Variants in TNKS observed in about 807,000 individuals in gnomAD.
The protein encoded by TNKS is poly [ADP-ribose] polymerase tankyrase-1.
A neutral mutation model predicts 135.8 loss-of-function variants in TNKS; 72 were observed. That is an observed-to-expected ratio of 0.53 (90% CI 0.44 to 0.64). The LOEUF (loss-of-function observed/expected upper bound fraction) is 0.64, where lower values mean the gene tolerates loss of function less well. Ranked by LOEUF, TNKS falls within the 30% of genes least tolerant of loss-of-function variation. The pLI is 0.00. For synonymous variants in TNKS, 849 were observed against 649.3 expected (o/e 1.31, Z -4.68); for missense variants, 1,769 against 1,674.0 (o/e 1.06, Z -0.99).
At chr8:9,635,225 TGAAAA>T (rs1800465868) in intron 3 of TNKS, among the ~76,000 whole-genome samples, 2 of 150,192 alleles carry the variant, frequency 1.3e-5, no homozygotes, top group Admixed American at 6.6e-5. Flanking sequence ...TGGAGACACA[TGAAAA>T]GAACATAGGA....
intron 5 of TNKS, among the ~76,000 whole-genome samples, chr8:9,686,540 A>G (rs1803009079): frequency 6.6e-6 from 1 of 152,230 alleles, no homozygotes; most frequent in Non-Finnish European, 1.5e-5. Context: ...CTATTGGGCA[A>G]GAAAGATTCC....
At chr8:9,746,677 C>T (rs1018616718) in intron 17 of TNKS, among the ~76,000 whole-genome samples, 1 of 152,124 alleles carries the variant, frequency 6.6e-6, no homozygotes, top group Non-Finnish European at 1.5e-5. Context: ...GAGCCCCCAG[C>T]CCCAGTCCTC....
At chr8:9,654,923 A>G (rs1267211113) in intron 3 of TNKS, among the ~76,000 whole-genome samples, 3 of 152,222 alleles carry the variant, frequency 2.0e-5, no homozygotes, top group Non-Finnish European at 4.4e-5. Context: ...GCAACGCACC[A>G]TGCGTGAGCC....
At chr8:9,618,117 G>C (rs1799720556) in intron 3 of TNKS, among the ~76,000 whole-genome samples, 1 of 151,578 alleles carries the variant, frequency 6.6e-6, no homozygotes, top group Non-Finnish European at 1.5e-5. Context: ...CTCCCGAGTA[G>C]CTGGGACTAC....
chr8:9,735,276 A>G (rs1469222120), intron 16 of TNKS, 101 bp from the exon 17 acceptor site: 5 of 1,222,102 alleles, frequency 4.1e-6, no homozygotes, highest in African/African-American at 1.5e-5. Context: ...TTTGAAGCAA[A>G]AAGTATTAAA....
chr8:9,558,835 C>A (rs921453409), intron 1 of TNKS: 5 of 152,122 alleles, frequency 3.3e-5, no homozygotes, highest in Non-Finnish European at 7.4e-5. Flanking sequence ...AACATAATGT[C>A]CTGTAGTCAG....
chr8:9,565,079 G>C (rs879293400), intron 1 of TNKS, among the ~76,000 whole-genome samples: 1 of 151,642 alleles, frequency 6.6e-6, no homozygotes, highest in Non-Finnish European at 1.5e-5. Flanking sequence ...TTGTGTGCCC[G>C]TTGTTTTTCT....
At chr8:9,697,999 C>CTAGG in intron 5 of TNKS, among the ~76,000 whole-genome samples, 1 of 152,226 alleles carries the variant, frequency 6.6e-6, no homozygotes, top group Admixed American at 6.5e-5. Context: ...TGGAATCAAC[C>CTAGG]TAGGTGCCTA....
intron 3 of TNKS, among the ~76,000 whole-genome samples, chr8:9,631,057 A>G (rs1360891177): frequency 2.6e-5 from 4 of 152,302 alleles, no homozygotes; most frequent in East Asian, 1.9e-4. Context: ...ACAAGTCTCA[A>G]TTCTCTCACA....
intron 3 of TNKS, among the ~76,000 whole-genome samples, chr8:9,655,295 C>G (rs1801311643): frequency 6.6e-6 from 1 of 152,244 alleles, no homozygotes. Context: ...CTGCCTGCCT[C>G]TGTAGGCTCC....
At chr8:9,665,648 G>A (rs1039086363) in intron 3 of TNKS, among the ~76,000 whole-genome samples, 1 of 152,174 alleles carries the variant, frequency 6.6e-6, no homozygotes, top group Non-Finnish European at 1.5e-5. Context: ...ATATACATGT[G>A]AATGAGGTAG....
chr8:9,772,493 T>TAATA (rs1807970518), intron 26 of TNKS: 2 of 448,346 alleles, frequency 4.5e-6, no homozygotes, highest in African/African-American at 4.0e-5. Context: ...TCAAAAATGT[T>TAATA]AATATTATAA....
chr8:9,591,787 A>G (rs1471159070), intron 2 of TNKS, among the ~76,000 whole-genome samples: 1 of 152,226 alleles, frequency 6.6e-6, no homozygotes, highest in Non-Finnish European at 1.5e-5. Flanking sequence ...CAGTTAAAAT[A>G]GCAAAGTATT....
rs770192716 is a variant in TNKS at position 9,726,714 on chromosome 8, T to G, written c.1995T>G (p.Thr665=). 33 of 1,612,770 alleles carry G rather than the reference T, an allele frequency of 2.0e-5. No individual in the cohort carries two copies. The highest frequency in any genetic ancestry group is 2.7e-5 in the Non-Finnish European group (32 of 1,179,474). Residue 665 remains threonine (T), a synonymous_variant, in exon 13 of 27, where the codon ACT becomes ACG. Coordinates refer to ENST00000310430, the MANE Select transcript of TNKS (RefSeq NM_003747.3). ...LEASKAGDLE[T]VKQLCSSQNV... is the part of the protein sequence containing the mutation. ...CATCTAAAGCTGGAGACTTGGAAAC[T>G]GTGAAGGTAAGTCAGTGCCCTTAAT...
intron 4 of TNKS, 113 bp downstream of exon 4, chr8:9,680,100 A>G (rs1233864786): frequency 1.4e-5 from 10 of 726,808 alleles, no homozygotes; most frequent in Non-Finnish European, 2.4e-5. Flanking sequence ...GATTTTATGC[A>G]ATTATGCAGA....
chr8:9,746,492 C>T (rs1018628129), intron 17 of TNKS, among the ~76,000 whole-genome samples: 11 of 152,140 alleles, frequency 7.2e-5, no homozygotes, highest in African/African-American at 1.9e-4. Flanking sequence ...CTCCAGCTTC[C>T]ATTTTTCCTT....
intron 3 of TNKS, among the ~76,000 whole-genome samples, chr8:9,641,596 CA>C (rs1327296096): frequency 6.9e-6 from 1 of 145,150 alleles, no homozygotes; most frequent in Non-Finnish European, 1.5e-5. Flanking sequence ...ACTCTAGTGC[CA>C]TTGAGTATTT....
At chr8:9,682,551 A>G (rs1001579586) in intron 5 of TNKS, among the ~76,000 whole-genome samples, 3 of 152,012 alleles carry the variant, frequency 2.0e-5, no homozygotes, top group Admixed American at 6.6e-5. Flanking sequence ...CTCCTTTTCT[A>G]TATTACTCTG....
intron 17 of TNKS, among the ~76,000 whole-genome samples, chr8:9,735,747 C>G (rs919539115): frequency 6.6e-6 from 1 of 151,960 alleles, no homozygotes; most frequent in Non-Finnish European, 1.5e-5. Flanking sequence ...TTGCAGTGAG[C>G]CCAGATCGCG....
Sources: gnomAD v4.1 joint callset for allele counts (sites outside exome capture counted in the v4.1 genomes callset) on GRCh38, gnomAD v4.1.1 for gene constraint, MANE v1.5 for transcripts, NCBI Gene and HGNC (gene_info 2026-07-23, HGNC 2026-07-21) for gene names.